The following HCN1 variants were observed in gnomAD, a reference collection of about 807,000 sequenced individuals.
The protein encoded by HCN1 is potassium/sodium hyperpolarization-activated cyclic nucleotide-gated channel 1.
A neutral mutation model predicts 78.9 loss-of-function variants in HCN1; 13 were observed. That is an observed-to-expected ratio of 0.16 (90% CI 0.11 to 0.26). HCN1 has a LOEUF of 0.26. Among genes scored for constraint, HCN1 ranks in the 10% least tolerant of loss-of-function variants. HCN1 has a pLI of 1.00. For synonymous variants in HCN1, 552 were observed against 455.5 expected (o/e 1.21, Z -2.70); for missense variants, 810 against 1,154.3 (o/e 0.70, Z 4.32).
intron 5 of HCN1, among the ~76,000 whole-genome samples, chr5:45,345,943 C>A (rs977467185): frequency 2.0e-5 from 3 of 152,192 alleles, no homozygotes; most frequent in Non-Finnish European, 4.4e-5. Flanking sequence ...ATGAGTTATT[C>A]ATAAAGGAAA....
chr5:45,595,544 C>G (rs894022641), intron 2 of HCN1, among the ~76,000 whole-genome samples: 2 of 152,006 alleles, frequency 1.3e-5, no homozygotes, highest in Admixed American at 1.3e-4. Flanking sequence ...TCTCATTTTG[C>G]TAAAATATGT....
chr5:45,274,580 T>C (rs1745018475), intron 6 of HCN1, among the ~76,000 whole-genome samples: 1 of 152,306 alleles, frequency 6.6e-6, no homozygotes, highest in Admixed American at 6.5e-5. Context: ...CCTTCCTTTT[T>C]CCCCATTTCC....
chr5:45,544,811 G>C (rs1244051867), intron 2 of HCN1, among the ~76,000 whole-genome samples: 2 of 152,044 alleles, frequency 1.3e-5, no homozygotes, highest in Non-Finnish European at 1.5e-5. Flanking sequence ...AGTATTCCAT[G>C]GTATGTATGT....
At chr5:45,679,728 T>A (rs961515948) in intron 1 of HCN1, among the ~76,000 whole-genome samples, 1 of 152,086 alleles carries the variant, frequency 6.6e-6, no homozygotes, top group African/African-American at 2.4e-5. Context: ...ATTTAAAAAA[T>A]CACATTTAAT....
intron 5 of HCN1, among the ~76,000 whole-genome samples, chr5:45,331,851 C>T (rs762522654): frequency 6.6e-6 from 1 of 151,480 alleles, no homozygotes; most frequent in East Asian, 1.9e-4. Context: ...CCACCATCAT[C>T]ATCAGTAATT....
At chr5:45,500,153 T>C (rs1323824256) in intron 2 of HCN1, among the ~76,000 whole-genome samples, 1 of 152,122 alleles carries the variant, frequency 6.6e-6, no homozygotes. Context: ...TGGTGACATT[T>C]AAAGAATTTG....
intron 5 of HCN1, among the ~76,000 whole-genome samples, chr5:45,346,639 G>A (rs948874164): frequency 3.9e-5 from 6 of 152,144 alleles, no homozygotes; most frequent in Non-Finnish European, 7.4e-5. Context: ...ATGGCACCTG[G>A]AAAATCGGGT....
chr5:45,349,007 T>A (rs992594300), intron 5 of HCN1, among the ~76,000 whole-genome samples: 3 of 152,192 alleles, frequency 2.0e-5, no homozygotes, highest in African/African-American at 7.2e-5. Context: ...TGAACTCAGC[T>A]CTGCAGCAAG....
At chr5:45,287,101 G>C (rs1745284867) in intron 6 of HCN1, among the ~76,000 whole-genome samples, 1 of 149,142 alleles carries the variant, frequency 6.7e-6, no homozygotes, top group Non-Finnish European at 1.5e-5. Flanking sequence ...GTGTGTGTCT[G>C]TGTGTGTGTG....
intron 5 of HCN1, among the ~76,000 whole-genome samples, chr5:45,345,359 GATTA>G (rs1001286963): frequency 3.3e-5 from 5 of 152,164 alleles, no homozygotes; most frequent in African/African-American, 1.2e-4. Context: ...TTATCCTGGT[GATTA>G]ACATCCAACG....
chr5:45,297,834 T>C (rs1377898860), intron 6 of HCN1, among the ~76,000 whole-genome samples: 1 of 151,948 alleles, frequency 6.6e-6, no homozygotes, highest in African/African-American at 2.4e-5. Flanking sequence ...TTCACCACAT[T>C]GACAGACTAG....
chr5:45,261,754 T>G lies in HCN1; in HGVS notation c.*167A>C. ...CTCTTGGGAATTTAGATATATATTT[T>G]ATAGTATATGTATATATATTTTTAC... On this transcript the variant is annotated 3_prime_UTR_variant, in exon 8 of 8. Coordinates refer to ENST00000303230, the MANE Select transcript of HCN1 (RefSeq NM_021072.4). 1 of 694,846 alleles carries G rather than the reference T, an allele frequency of 1.4e-6. No individual in the cohort carries two copies. The highest frequency in any genetic ancestry group is 2.0e-5 in the South Asian group (1 of 50,046). 43.0% of individuals were successfully genotyped at this position (694,846 alleles called of 1,614,324 possible). A position where few individuals can be genotyped will look rare whatever the true frequency, so the allele number is the denominator to read the frequency against.
rs138428005 is a variant in HCN1, at chr5:45,573,707, A to G, written c.849+71478T>C. Among the ~76,000 whole-genome samples the G allele has an allele frequency of 3.2e-4, 48 of 152,174 alleles. 1 individual carries two copies. In the East Asian group the frequency reaches 7.0e-3, roughly 22 times the overall value. On this transcript the variant is annotated intron_variant, in intron 2 of 7. Coordinates refer to ENST00000303230, the MANE Select transcript of HCN1 (RefSeq NM_021072.4). ...AAAAAAATCTATGAGGGTTGAAAAT[A>G]TTGAGATGATTGATTTAAGATACCT...
chr5:45,371,643 G>A (rs1331066247), intron 4 of HCN1, among the ~76,000 whole-genome samples: 1 of 150,476 alleles, frequency 6.6e-6, no homozygotes, highest in East Asian at 2.0e-4. Flanking sequence ...TGTAATCCCA[G>A]CTACTCGTGA....
Position 45,258,785 on chromosome 5 carries a change from G to T in HCN1, c.*3136C>A, listed in dbSNP as rs1744672833. On this transcript the variant is annotated 3_prime_UTR_variant, in exon 8 of 8. Transcript: ENST00000303230. Reference sequence around the variant, plus strand: ...TATAAACCTGTTTTGTTATAATAGAGCCCAAGGCCCTATTATAACAAAATA... The same window carrying T: ...TATAAACCTGTTTTGTTATAATAGATCCCAAGGCCCTATTATAACAAAATA... 1 of 151,374 alleles carries T rather than the reference G, an allele frequency of 6.6e-6. No homozygotes were observed. Among genetic ancestry groups the T allele is most frequent in the Non-Finnish European group, 1.5e-5 (1 of 67,822 alleles). The allele number at this position is 151,374 out of a possible 1,614,324, so 9.4% of individuals were successfully genotyped here. A position where few individuals can be genotyped will look rare whatever the true frequency, so the allele number is the denominator to read the frequency against.
intron 5 of HCN1, among the ~76,000 whole-genome samples, chr5:45,343,415 C>G (rs1433869548): frequency 6.6e-6 from 1 of 152,090 alleles, no homozygotes; most frequent in Non-Finnish European, 1.5e-5. Context: ...TGAAAATAGT[C>G]TATGTGAGAT....
intron 2 of HCN1, among the ~76,000 whole-genome samples, chr5:45,471,487 C>T (rs1351759107): frequency 6.6e-6 from 1 of 151,888 alleles, no homozygotes; most frequent in African/African-American, 2.4e-5. Context: ...TGTCTTTCAA[C>T]TCTTAAAAAG....
chr5:45,350,696 T>C (rs1310304172), intron 5 of HCN1, among the ~76,000 whole-genome samples: 3 of 150,890 alleles, frequency 2.0e-5, no homozygotes, highest in East Asian at 1.9e-4. Flanking sequence ...ACAAAATCAA[T>C]GTACAAAAAT....
intron 6 of HCN1, among the ~76,000 whole-genome samples, chr5:45,296,232 T>G (rs1261768001): frequency 6.6e-6 from 1 of 151,974 alleles, no homozygotes; most frequent in East Asian, 1.9e-4. Context: ...TATCAAGAGT[T>G]AGGGCTATAA....
Sources: gnomAD v4.1 joint callset for allele counts (sites outside exome capture counted in the v4.1 genomes callset) on GRCh38, gnomAD v4.1.1 for gene constraint, MANE v1.5 for transcripts, NCBI Gene and HGNC (gene_info 2026-07-23, HGNC 2026-07-21) for gene names.